The following RAD21 variants were observed in gnomAD, a reference collection of about 807,000 sequenced individuals.
The protein encoded by RAD21 is double-strand-break repair protein rad21 homolog.
Under a neutral mutation model 71.5 loss-of-function variants are expected in RAD21, and 18 were observed. That is an observed-to-expected ratio of 0.25 (90% CI 0.17 to 0.37). RAD21 has a LOEUF of 0.37. Ranked by LOEUF, RAD21 falls within the 10% of genes least tolerant of loss-of-function variation. The pLI, the probability that RAD21 is intolerant of heterozygous loss-of-function variation, is 1.00. For synonymous variants in RAD21, 248 were observed against 254.0 expected (o/e 0.98, Z 0.22); for missense variants, 493 against 769.1 (o/e 0.64, Z 4.25).
chr8:116,874,588 A>C, intron 1 of RAD21, 23 bp downstream of exon 1: 1 of 322,772 alleles, frequency 3.1e-6, no homozygotes, highest in South Asian at 2.3e-5. Context: ...GGAGGAAAAG[A>C]AGGGGTCGGC....
intron 1 of RAD21, among the ~76,000 whole-genome samples, chr8:116,867,823 C>A (rs1411229723): frequency 1.3e-5 from 2 of 152,134 alleles, no homozygotes; most frequent in Non-Finnish European, 2.9e-5. Context: ...ATGGTGACAT[C>A]TTAAATAACT....
Position 116,847,261 on chromosome 8 carries a change from TTC to T in RAD21, c.*237_*238del. ...TCTGTTCTGAACTGTTAAAATCATC[TTC>T]TGAGTCCTTGGGGTGCTGTTTTCTC... On this transcript the variant is annotated 3_prime_UTR_variant, in exon 14 of 14. Transcript: ENST00000297338. The T allele has an allele frequency of 2.3e-6, 1 of 431,566 alleles. No homozygotes were observed. Among genetic ancestry groups the T allele is most frequent in the East Asian group, 3.5e-5 (1 of 28,364 alleles). 26.7% of individuals were successfully genotyped at this position (431,566 alleles called of 1,614,324 possible).
chr8:116,861,709 A>G, intron 4 of RAD21, 132 bp downstream of exon 4: 2 of 573,884 alleles, frequency 3.5e-6, no homozygotes, highest in Non-Finnish European at 6.0e-6. Context: ...TTTATATACT[A>G]TCCTATATAA....
chr8:116,852,821 T>C (rs974378994), intron 9 of RAD21, 113 bp from the exon 10 acceptor site: 3 of 732,890 alleles, frequency 4.1e-6, no homozygotes, highest in Non-Finnish European at 5.7e-6. Flanking sequence ...GTGTATAATT[T>C]AGCATGGCTT....
chr8:116,858,739 T>C (rs1336728239), intron 4 of RAD21, among the ~76,000 whole-genome samples: 1 of 152,104 alleles, frequency 6.6e-6, no homozygotes, highest in East Asian at 1.9e-4. Flanking sequence ...TTAGAAATCA[T>C]GGGCTAGATA....
intron 9 of RAD21, 100 bp from the exon 10 acceptor site, chr8:116,852,808 T>C (rs1812383152): frequency 1.2e-6 from 1 of 852,818 alleles, no homozygotes; most frequent in African/African-American, 1.8e-5. Flanking sequence ...CTAATAAATA[T>C]AAGTGTATAA....
At position 116,857,385 on chromosome 8, in the gene RAD21, G is replaced by A. The variant is rs1812491507; in HGVS notation, c.570C>T (p.Asn190=). Residue 190 remains asparagine (N), a synonymous_variant, in exon 6 of 14, where the codon AAC becomes AAT. Transcript: ENST00000297338. ...DDMLVSTTTS[N]LLLESEQSTS... is the part of the protein sequence containing the mutation. The stretch of plus-strand genomic sequence containing the variant: ...TGCTCTGTTCAGACTCTAATAGGAG[G>A]TTAGAAGTAGTAGTGCTTACTAACA... The A allele has an allele frequency of 6.2e-7, 1 of 1,613,112 alleles. No individual in the cohort carries two copies. Among genetic ancestry groups the A allele is most frequent in the East Asian group, 2.2e-5 (1 of 44,792 alleles).
intron 4 of RAD21, among the ~76,000 whole-genome samples, chr8:116,860,507 T>C (rs1274999981): frequency 2.0e-5 from 3 of 152,322 alleles, no homozygotes; most frequent in Non-Finnish European, 4.4e-5. Context: ...CCTGTATCAG[T>C]CAGCAGCCAT....
In RAD21 at chr8:116,856,061, A is replaced by C. The variant is rs1586267317; in HGVS notation, c.937+105T>G. 2.3e-6 allele frequency: 3 copies of C among 1,327,628 alleles called. No homozygotes were observed. In the East Asian group the frequency reaches 8.0e-5, roughly 35 times the overall value. 82.2% of individuals were successfully genotyped at this position (1,327,628 alleles called of 1,614,324 possible). On this transcript the variant is annotated intron_variant, in intron 8 of 13. Coordinates refer to ENST00000297338, the MANE Select transcript of RAD21 (RefSeq NM_006265.3). ...GGCCAAAAAAACAGAAAAAAGCAAG[A>C]AGCCTAGTTATCTAATACAACAGTA...
rs1355729262 is a variant in RAD21, at chr8:116,854,186, TC to T, written c.1161+58del. 13 of 1,336,408 alleles carry T rather than the reference TC, an allele frequency of 9.7e-6. No homozygotes were observed. The South Asian group carries it at 1.4e-4, about 15-fold the overall frequency. The allele number at this position is 1,336,408 out of a possible 1,614,324, so 82.8% of individuals were successfully genotyped here. On this transcript the variant is annotated intron_variant, in intron 9 of 13. Transcript: ENST00000297338. ...CAAAAATGATTCAAAGGTTTTAGAA[TC>T]TTTTTTTTTTAGATGCTCAAAATGT...
At chr8:116,850,856 C>T (rs1812335177) in intron 11 of RAD21, 89 bp from the exon 12 acceptor site, 2 of 903,878 alleles carry the variant, frequency 2.2e-6, no homozygotes, top group African/African-American at 1.7e-5. Flanking sequence ...CTGAAGTTTT[C>T]TAGTCAAAAA....
At chr8:116,872,898 C>G (rs1586281046) in intron 1 of RAD21, among the ~76,000 whole-genome samples, 1 of 152,194 alleles carries the variant, frequency 6.6e-6, no homozygotes, top group African/African-American at 2.4e-5. Context: ...TACAATCAGA[C>G]AGTCGTAGGT....
At chr8:116,849,345 G>A (rs1381735427) in intron 12 of RAD21, 3 of 286,456 alleles carry the variant, frequency 1.0e-5, no homozygotes, top group African/African-American at 6.5e-5. Flanking sequence ...TGGAGGTTTT[G>A]GTTACTGGCC....
At chr8:116,872,322 C>A (rs1023103898) in intron 1 of RAD21, among the ~76,000 whole-genome samples, 2 of 152,038 alleles carry the variant, frequency 1.3e-5, no homozygotes, top group Non-Finnish European at 1.5e-5. Context: ...AACAAGAATA[C>A]AACATTTGTA....
chr8:116,857,642 T>A (rs939753647), intron 5 of RAD21, among the ~76,000 whole-genome samples, 169 bp from the exon 6 acceptor site: 5 of 152,206 alleles, frequency 3.3e-5, no homozygotes, highest in African/African-American at 7.2e-5. Flanking sequence ...CTGAATTTTT[T>A]AAAATGACTC....
Position 116,856,670 on chromosome 8 carries a change from T to C in RAD21, c.790A>G (p.Met264Val). 3 of 1,595,920 alleles carry C rather than the reference T, an allele frequency of 1.9e-6. No individual in the cohort carries two copies. The highest frequency in any genetic ancestry group is 2.6e-6 in the Non-Finnish European group (3 of 1,171,096). ...CTTGATACATTATCATCCTCATCCATATCGTCATGTGCAGGCTGCTCTGGC... is the reference window on the plus strand; with the variant it reads ...CTTGATACATTATCATCCTCATCCACATCGTCATGTGCAGGCTGCTCTGGC... Reference protein sequence around the residue: ...MLPEQPAHDDMDEDDNVSMGG... With the variant: ...MLPEQPAHDDVDEDDNVSMGG... Residue 264 changes from methionine (M) to valine (V), a missense_variant, in exon 7 of 14, where the codon ATG becomes GTG. Physicochemically the swap from Met to Val is conservative, Grantham distance 21. Around this residue, in one of 5 missense-constraint regions of RAD21, gnomAD observed 165 missense variants for 229.6 expected, o/e 0.72. Coordinates refer to ENST00000297338, the MANE Select transcript of RAD21 (RefSeq NM_006265.3).
chr8:116,864,976 G>A (rs1812662445), intron 2 of RAD21, among the ~76,000 whole-genome samples: 1 of 152,112 alleles, frequency 6.6e-6, no homozygotes, highest in Admixed American at 6.6e-5. Flanking sequence ...TTGCAAATGA[G>A]CCACGTGTGA....
rs16894000 is a variant in RAD21 at position 116,872,394 on chromosome 8, TTCTC to T, written c.-33+2213_-33+2216del. Among the ~76,000 whole-genome samples the T allele has an allele frequency of 1.5e-3, 224 of 152,318 alleles. 3 individuals carry two copies. The highest frequency in any genetic ancestry group is 0.014 in the Admixed American group (212 of 15,296). On this transcript the variant is annotated intron_variant, in intron 1 of 13. Transcript: ENST00000297338. ...TTGGAGTTTTAAAAAAGAATGCTCT[TTCTC>T]TATATATTTACGAGTTCTTGAATAA... is the stretch of plus-strand genomic sequence containing the variant.
intron 9 of RAD21, 24 bp downstream of exon 9, chr8:116,854,221 T>C (rs1554611198): frequency 6.5e-7 from 1 of 1,544,250 alleles, no homozygotes; most frequent in South Asian, 1.1e-5. Flanking sequence ...GTATATGAAG[T>C]AAAAATTCTG....
Sources: allele counts gnomAD v4.1 joint callset (sites outside exome capture counted in the v4.1 genomes callset), GRCh38; gene constraint gnomAD v4.1.1; regional missense constraint gnomAD v4.1.1; transcripts MANE v1.5; gene names NCBI Gene and HGNC (gene_info 2026-07-23, HGNC 2026-07-21).